TAF4B: variants seen among roughly 807,000 people sequenced by gnomAD.
The protein encoded by TAF4B is TATA-box binding protein associated factor 4b.
TAF4B carries 38 observed loss-of-function variants against 86.4 expected under a neutral mutation model. That is an observed-to-expected ratio of 0.44 (90% confidence interval 0.34 to 0.58). TAF4B has a LOEUF of 0.58. TAF4B is among the 20% of genes least tolerant of loss of function. The pLI is 0.02. For synonymous variants in TAF4B, 388 were observed against 391.2 expected (o/e 0.99, Z 0.10); for missense variants, 988 against 1,027.6 (o/e 0.96, Z 0.53).
intron 12 of TAF4B, among the ~76,000 whole-genome samples, chr18:26,328,998 C>A (rs1370157366): frequency 3.3e-5 from 5 of 151,932 alleles, no homozygotes; most frequent in Non-Finnish European, 7.4e-5. Context: ...GCCTTCCCCA[C>A]TTCCTCTCTT....
chr18:26,337,823 T>G (rs2057105219), intron 13 of TAF4B, among the ~76,000 whole-genome samples: 1 of 152,218 alleles, frequency 6.6e-6, no homozygotes, highest in South Asian at 2.1e-4. Context: ...TAAACTGTGA[T>G]GCTTTGGGTT....
intron 1 of TAF4B, among the ~76,000 whole-genome samples, chr18:26,229,526 G>A (rs866478890): frequency 2.8e-5 from 4 of 143,358 alleles, no homozygotes; most frequent in South Asian, 2.2e-4. Context: ...TCTCTGAGAC[G>A]GAGTGTCACT....
chr18:26,346,889 A>ATGTG, intron 13 of TAF4B, among the ~76,000 whole-genome samples: 1 of 15,328 alleles, frequency 6.5e-5, no homozygotes, highest in Middle Eastern at 0.033. Context: ...ATATATATAT[A>ATGTG]TATATATATA....
intron 13 of TAF4B, among the ~76,000 whole-genome samples, chr18:26,347,956 A>G (rs1369517521): frequency 6.6e-6 from 1 of 152,246 alleles, no homozygotes; most frequent in Non-Finnish European, 1.5e-5. Flanking sequence ...GATAGATCCC[A>G]ATACAGTAAT....
At chr18:26,366,963 T>C (rs1310225496) in intron 14 of TAF4B, among the ~76,000 whole-genome samples, 3 of 152,238 alleles carry the variant, frequency 2.0e-5, no homozygotes, top group South Asian at 2.1e-4. Context: ...AATGAAAAAA[T>C]TGTGGTATAG....
chr18:26,242,744 A>C (rs538868520), intron 1 of TAF4B, among the ~76,000 whole-genome samples: 2 of 152,336 alleles, frequency 1.3e-5, no homozygotes, highest in African/African-American at 4.8e-5. Context: ...TGCTGTGTTT[A>C]GTGCTTCCTT....
chr18:26,230,589 A>G (rs531968626), intron 1 of TAF4B, among the ~76,000 whole-genome samples: 3 of 152,354 alleles, frequency 2.0e-5, no homozygotes, highest in African/African-American at 4.8e-5. Context: ...TAGTCAGCCC[A>G]CAGGAGAAAG....
chr18:26,357,662 A>G (rs1488950416), intron 13 of TAF4B, 28 bp from the exon 14 acceptor site: 1 of 1,513,202 alleles, frequency 6.6e-7, no homozygotes, highest in South Asian at 1.2e-5. Flanking sequence ...GTGTATAAAC[A>G]TTGATATTTT....
intron 3 of TAF4B, 44 bp from the exon 4 acceptor site, chr18:26,274,619 A>C (rs1161041344): frequency 6.2e-7 from 1 of 1,608,914 alleles, no homozygotes; most frequent in Non-Finnish European, 8.5e-7. Context: ...CCACTAATGT[A>C]TCATAGTAAT....
intron 8 of TAF4B, among the ~76,000 whole-genome samples, chr18:26,293,057 G>A (rs1048563190): frequency 2.0e-5 from 3 of 152,090 alleles, no homozygotes; most frequent in Non-Finnish European, 4.4e-5. Flanking sequence ...ATGGAAATCA[G>A]TCTTACCCAA....
intron 13 of TAF4B, among the ~76,000 whole-genome samples, chr18:26,345,143 A>G (rs1598814584): frequency 6.6e-6 from 1 of 152,048 alleles, no homozygotes; most frequent in East Asian, 1.9e-4. Flanking sequence ...CCAGTGTCCT[A>G]CCCCCTACAG....
chr18:26,245,527 C>G lies in TAF4B; in HGVS notation c.343+18251C>G, dbSNP rs9964843. On this transcript the variant is annotated intron_variant, in intron 1 of 14. Coordinates refer to ENST00000269142, the MANE Select transcript of TAF4B (RefSeq NM_005640.3). Reference sequence around the variant, plus strand: ...TTCCATTTCTGTCCTATCAGAGTGCCCTTTTTTCAATCTTCCCTGTGATTG... The same window carrying G: ...TTCCATTTCTGTCCTATCAGAGTGCGCTTTTTTCAATCTTCCCTGTGATTG... Among the ~76,000 whole-genome samples, 719 of 152,240 alleles carry G rather than the reference C, an allele frequency of 4.7e-3. 5 individuals carry two copies. Among genetic ancestry groups the G allele is most frequent in the African/African-American group, 0.016 (685 of 41,544 alleles).
chr18:26,382,044 C>T (rs2057483718), intron 14 of TAF4B, among the ~76,000 whole-genome samples: 1 of 152,038 alleles, frequency 6.6e-6, no homozygotes, highest in African/African-American at 2.4e-5. Flanking sequence ...TTAAACAAAG[C>T]TACTGTTAAT....
intron 1 of TAF4B, among the ~76,000 whole-genome samples, chr18:26,257,693 A>G (rs1416224318): frequency 2.0e-5 from 3 of 152,076 alleles, no homozygotes; most frequent in Admixed American, 6.6e-5. Flanking sequence ...AATTTTTTCA[A>G]CATGTTTTTG....
At position 26,335,234 on chromosome 18, in the gene TAF4B, A is replaced by G. The variant is rs1320125713; in HGVS notation, c.2316+3A>G. On this transcript the variant is annotated splice_donor_region_variant and intron_variant, in intron 13 of 14. Transcript: ENST00000269142. ...GATTAAAGCAGAAAGCCAAAGAGGT[A>G]GGACTTTCAAGTTACCATGCTTGTC... The G allele has an allele frequency of 1.9e-6, 3 of 1,612,750 alleles. No homozygotes were observed. The highest frequency in any genetic ancestry group is 3.3e-5 in the Admixed American group (2 of 60,000).
intron 13 of TAF4B, among the ~76,000 whole-genome samples, chr18:26,346,873 A>ATATATATG (rs1555623695): frequency 2.4e-4 from 3 of 12,304 alleles, no homozygotes; most frequent in South Asian, 5.1e-3. Flanking sequence ...ATATATATAT[A>ATATATATG]TGTGTATATA....
chr18:26,340,789 C>T (rs1288159829), intron 13 of TAF4B, among the ~76,000 whole-genome samples: 1 of 152,050 alleles, frequency 6.6e-6, no homozygotes, highest in Non-Finnish European at 1.5e-5. Flanking sequence ...CTTTTATTTT[C>T]CCACTAACTA....
intron 9 of TAF4B, among the ~76,000 whole-genome samples, chr18:26,303,434 T>C (rs1431290458): frequency 2.7e-5 from 2 of 74,608 alleles, no homozygotes; most frequent in Non-Finnish European, 5.7e-5. Context: ...ACTTTCATCC[T>C]CCCTCTACTT....
intron 5 of TAF4B, among the ~76,000 whole-genome samples, chr18:26,278,121 G>T (rs1480754752): frequency 4.6e-5 from 7 of 152,066 alleles, no homozygotes; most frequent in Non-Finnish European, 1.0e-4. Context: ...CTAGTTTAGC[G>T]ACTCAATTAC....
Sources: allele counts gnomAD v4.1 joint callset (sites outside exome capture counted in the v4.1 genomes callset), GRCh38; gene constraint gnomAD v4.1.1; transcripts MANE v1.5; gene names NCBI Gene and HGNC (gene_info 2026-07-23, HGNC 2026-07-21).